The following C12orf42 variants were observed in gnomAD, a reference collection of about 807,000 sequenced individuals.
The protein encoded by C12orf42 is chromosome 12 open reading frame 42.
A neutral mutation model predicts 21.6 loss-of-function variants in C12orf42; 25 were observed. The observed-to-expected ratio is 1.16, with a 90% CI of 0.84 to 1.62. The LOEUF is 1.62. Ranked by LOEUF, C12orf42 falls within the 40% of genes most tolerant of loss-of-function variation. The pLI is 0.00. For missense variants in C12orf42, 483 were observed against 459.3 expected, an observed-to-expected ratio of 1.05 and a Z score of -0.47; for synonymous variants, 174 against 175.0, an observed-to-expected ratio of 0.99 and a Z score of 0.05.
chr12:103,560,884 G>T, the C12orf42 span, among the ~76,000 whole-genome samples: 1 of 152,180 alleles, frequency 6.6e-6, no homozygotes, highest in Non-Finnish European at 1.5e-5. Context: ...TGCTGTCATT[G>T]TTCTCACATA....
At chr12:103,502,744 AG>A in the C12orf42 span, among the ~76,000 whole-genome samples, 3 of 152,164 alleles carry the variant, frequency 2.0e-5, no homozygotes, top group East Asian at 5.8e-4. Flanking sequence ...ACTTCCTGGT[AG>A]TGGGGCCTGC....
At chr12:103,137,919 A>G in the C12orf42 span, among the ~76,000 whole-genome samples, 1 of 152,150 alleles carries the variant, frequency 6.6e-6, no homozygotes, top group African/African-American at 2.4e-5. Flanking sequence ...GTACAAACAT[A>G]AAGTTAGATT....
the C12orf42 span, among the ~76,000 whole-genome samples, chr12:103,077,629 C>T: frequency 6.6e-6 from 1 of 152,168 alleles, no homozygotes; most frequent in African/African-American, 2.4e-5. Context: ...GCTTGAGCCT[C>T]TTGGAGACAA....
rs74571974 is a variant in C12orf42, at chr12:103,355,193, G to C, written c.259+13694C>G. On this transcript the variant is annotated intron_variant, in intron 4 of 5. Coordinates refer to ENST00000548883, the MANE Select transcript of C12orf42 (RefSeq NM_198521.5). ...CTGTGTATACCCAGCTCCTAGCAGA[G>C]CACTCAGCACATAGCAAGTTGTCAG... 0.013 allele frequency among the ~76,000 whole-genome samples: 1,970 copies of C among 152,178 alleles called. 130 individuals are homozygous for C. In the East Asian group the frequency reaches 0.22, roughly 17 times the overall value.
the C12orf42 span, among the ~76,000 whole-genome samples, chr12:103,114,193 G>A: frequency 3.4e-4 from 52 of 152,282 alleles, no homozygotes; most frequent in African/African-American, 1.2e-3. Flanking sequence ...TCAATAAAGT[G>A]GGAGACATTC....
the C12orf42 span, among the ~76,000 whole-genome samples, chr12:103,183,309 T>G: frequency 6.6e-6 from 1 of 152,178 alleles, no homozygotes; most frequent in Non-Finnish European, 1.5e-5. Context: ...CTCGATCTCT[T>G]GATGTCATGA....
the C12orf42 span, among the ~76,000 whole-genome samples, chr12:103,118,601 A>G: frequency 2.6e-5 from 4 of 151,988 alleles, no homozygotes; most frequent in Non-Finnish European, 5.9e-5. Flanking sequence ...GATCGAGACC[A>G]TCCTGGCTAA....
the C12orf42 span, among the ~76,000 whole-genome samples, chr12:103,064,984 C>T: frequency 1.3e-5 from 2 of 152,184 alleles, no homozygotes; most frequent in African/African-American, 4.8e-5. Context: ...ACATTCTTAG[C>T]AGCTGGTGTA....
chr12:103,179,473 A>G, the C12orf42 span, among the ~76,000 whole-genome samples: 1 of 152,214 alleles, frequency 6.6e-6, no homozygotes, highest in Non-Finnish European at 1.5e-5. Context: ...GAAGCCATGT[A>G]AGAAAAGGCA....
chr12:103,467,258 C>T (rs1489206679), intron 2 of C12orf42, among the ~76,000 whole-genome samples: 1 of 152,128 alleles, frequency 6.6e-6, no homozygotes, highest in Non-Finnish European at 1.5e-5. Flanking sequence ...TAAATATGCA[C>T]ATATTGACCT....
the C12orf42 span, among the ~76,000 whole-genome samples, chr12:103,120,758 T>C: frequency 4.0e-5 from 6 of 148,948 alleles, no homozygotes; most frequent in Middle Eastern, 3.6e-3. Flanking sequence ...ATTATTATTC[T>C]ATTATAGTAT....
At chr12:103,087,233 C>T in the C12orf42 span, among the ~76,000 whole-genome samples, 1 of 152,180 alleles carries the variant, frequency 6.6e-6, no homozygotes, top group Non-Finnish European at 1.5e-5. Flanking sequence ...TATTAAATGA[C>T]TGTAAAATTT....
At chr12:103,118,738 C>A in the C12orf42 span, among the ~76,000 whole-genome samples, 2 of 115,430 alleles carry the variant, frequency 1.7e-5, no homozygotes, top group Admixed American at 1.3e-4. Context: ...GCAGAGCTTG[C>A]AGTGAGCTGA....
chr12:103,394,041 A>G (rs1376016080), intron 3 of C12orf42, among the ~76,000 whole-genome samples: 1 of 152,194 alleles, frequency 6.6e-6, no homozygotes, highest in Non-Finnish European at 1.5e-5. Flanking sequence ...AAATGAATGG[A>G]CACTTTTTCT....
chr12:103,282,849 G>A (rs2036219997), intron 4 of C12orf42, among the ~76,000 whole-genome samples: 1 of 152,194 alleles, frequency 6.6e-6, no homozygotes, highest in African/African-American at 2.4e-5. Context: ...GAGTCACTTT[G>A]AGTTTTGAAA....
At chr12:103,159,316 G>T in the C12orf42 span, 1 of 152,162 alleles carries the variant, frequency 6.6e-6, no homozygotes, top group African/African-American at 2.4e-5. Context: ...TACAGAGGCA[G>T]TTCCTGGCCT....
At chr12:103,071,843 C>T in the C12orf42 span, among the ~76,000 whole-genome samples, 1 of 152,098 alleles carries the variant, frequency 6.6e-6, no homozygotes, top group South Asian at 2.1e-4. Context: ...AGACATCAAC[C>T]TGTGGTTTCC....
the C12orf42 span, among the ~76,000 whole-genome samples, chr12:103,097,841 C>T: frequency 2.6e-5 from 4 of 152,224 alleles, no homozygotes; most frequent in South Asian, 4.1e-4. Context: ...CCCACTCATG[C>T]GGATGGGACA....
At chr12:103,205,383 A>G in the C12orf42 span, among the ~76,000 whole-genome samples, 1 of 152,324 alleles carries the variant, frequency 6.6e-6, no homozygotes, top group East Asian at 1.9e-4. Flanking sequence ...CACATCTTAC[A>G]TGGTGGCAGG....
Sources: allele counts gnomAD v4.1 joint callset (sites outside exome capture counted in the v4.1 genomes callset), GRCh38; gene constraint gnomAD v4.1.1; transcripts MANE v1.5; gene names NCBI Gene and HGNC (gene_info 2026-07-23, HGNC 2026-07-21).